Variants in CNTN4 observed in about 807,000 individuals in gnomAD.
The protein encoded by CNTN4 is contactin 4.
CNTN4 carries 77 observed loss-of-function variants against 122.5 expected under a neutral mutation model. The observed-to-expected ratio is 0.63, with a 90% CI of 0.52 to 0.76. CNTN4 has a LOEUF of 0.76. Ranked by LOEUF, CNTN4 falls within the 30% of genes least tolerant of loss-of-function variation. The pLI, the probability that CNTN4 is intolerant of heterozygous loss-of-function variation, is 0.00. For missense variants in CNTN4, 1,256 were observed against 1,259.1 expected (o/e 1.00, Z 0.04); for synonymous variants, 512 against 447.0 (o/e 1.15, Z -1.83).
chr3:2,834,898 C>CTTTTTTTTTTTTTT (rs71058653), intron 7 of CNTN4, among the ~76,000 whole-genome samples: 6 of 60,458 alleles, frequency 9.9e-5, no homozygotes, highest in African/African-American at 2.3e-4. Flanking sequence ...TAAAGGCAAC[C>CTTTTTTTTTTTTTT]TTTTTTTTTT....
chr3:2,173,589 CAGTGTGA>C (rs1575000481), intron 2 of CNTN4, among the ~76,000 whole-genome samples: 1 of 152,086 alleles, frequency 6.6e-6, no homozygotes, highest in East Asian at 1.9e-4. Flanking sequence ...AGAGTTGGAT[CAGTGTGA>C]AGTAAAGTTG....
At chr3:2,299,354 G>T (rs1185932077) in intron 2 of CNTN4, among the ~76,000 whole-genome samples, 1 of 152,088 alleles carries the variant, frequency 6.6e-6, no homozygotes, top group Non-Finnish European at 1.5e-5. Context: ...TGGGGTACGA[G>T]TGTTTTTTGG....
At chr3:2,456,809 T>C (rs2049022176) in intron 3 of CNTN4, among the ~76,000 whole-genome samples, 1 of 152,154 alleles carries the variant, frequency 6.6e-6, no homozygotes, top group Non-Finnish European at 1.5e-5. Context: ...TTGGCTATTG[T>C]GAAAAGTGCT....
intron 3 of CNTN4, among the ~76,000 whole-genome samples, chr3:2,553,100 C>A: frequency 6.6e-6 from 1 of 152,092 alleles, no homozygotes; most frequent in East Asian, 1.9e-4. Context: ...TGGGGTAGAT[C>A]ACCAGGTTAT....
chr3:2,580,837 A>G (rs1312516654), intron 4 of CNTN4, among the ~76,000 whole-genome samples: 1 of 152,170 alleles, frequency 6.6e-6, no homozygotes, highest in South Asian at 2.1e-4. Flanking sequence ...CCTCTGGGAG[A>G]GGTATTATCC....
intron 3 of CNTN4, among the ~76,000 whole-genome samples, chr3:2,555,910 T>G (rs1174722540): frequency 6.6e-6 from 1 of 152,146 alleles, no homozygotes; most frequent in Non-Finnish European, 1.5e-5. Context: ...GAAGCTGTTA[T>G]GAAGCTTTCC....
chr3:2,931,481 G>A (rs990515817), intron 13 of CNTN4, among the ~76,000 whole-genome samples: 1 of 151,920 alleles, frequency 6.6e-6, no homozygotes, highest in African/African-American at 2.4e-5. Context: ...ATTCAAACGG[G>A]GATTCCCATT....
At chr3:2,179,377 A>G (rs935700989) in intron 2 of CNTN4, among the ~76,000 whole-genome samples, 11 of 151,978 alleles carry the variant, frequency 7.2e-5, no homozygotes, top group Non-Finnish European at 1.3e-4. Context: ...CCCAGATAGG[A>G]TGAATTAGTA....
At chr3:2,443,096 G>C (rs2151297086) in intron 3 of CNTN4, among the ~76,000 whole-genome samples, 1 of 151,074 alleles carries the variant, frequency 6.6e-6, no homozygotes, top group Admixed American at 6.6e-5. Flanking sequence ...CATGACGTGT[G>C]TTTACCTGTG....
At chr3:2,271,951 A>G (rs1415815536) in intron 2 of CNTN4, among the ~76,000 whole-genome samples, 2 of 152,178 alleles carry the variant, frequency 1.3e-5, no homozygotes, top group Non-Finnish European at 2.9e-5. Flanking sequence ...ATGTGTTGTG[A>G]AGAATATTTG....
chr3:2,348,562 C>A (rs1199475073), intron 3 of CNTN4, among the ~76,000 whole-genome samples: 1 of 152,082 alleles, frequency 6.6e-6, no homozygotes, highest in Admixed American at 6.5e-5. Context: ...CTTTATCAGA[C>A]CTTCAGCATT....
intron 3 of CNTN4, among the ~76,000 whole-genome samples, chr3:2,345,456 C>T (rs2044367473): frequency 6.6e-6 from 1 of 151,968 alleles, no homozygotes; most frequent in Non-Finnish European, 1.5e-5. Context: ...CCATTTGATC[C>T]AAGTGATGTT....
At chr3:2,778,055 A>C (rs2091403574) in intron 6 of CNTN4, among the ~76,000 whole-genome samples, 1 of 150,432 alleles carries the variant, frequency 6.6e-6, no homozygotes, top group African/African-American at 2.5e-5. Flanking sequence ...TCTACTAAAA[A>C]TACAAAAAAT....
At position 2,340,710 on chromosome 3, in the gene CNTN4, T is replaced by TAGAG. The variant is rs747326741; in HGVS notation, c.-89+1504_-89+1507dup. 2.5e-3 allele frequency among the ~76,000 whole-genome samples: 45 copies of TAGAG among 18,300 alleles called. 2 individuals carry two copies. Among genetic ancestry groups the TAGAG allele is most frequent in the African/African-American group, 3.7e-3 (37 of 9,978 alleles). The allele number at this position is 18,300 out of a possible 152,430, so 12.0% of individuals were successfully genotyped here. ...TTATATATATATATATATATATATA[T>TAGAG]AGAGAGAGAGAGAGAGAGAGAGAGA... On this transcript the variant is annotated intron_variant, in intron 3 of 24. Coordinates refer to ENST00000418658, the MANE Select transcript of CNTN4 (RefSeq NM_175607.3).
At chr3:2,305,632 CT>C (rs1361576567) in intron 2 of CNTN4, among the ~76,000 whole-genome samples, 4 of 152,032 alleles carry the variant, frequency 2.6e-5, no homozygotes, top group African/African-American at 9.6e-5. Context: ...TTCTTTTTTT[CT>C]AAATGAGATA....
intron 3 of CNTN4, among the ~76,000 whole-genome samples, chr3:2,401,591 A>C (rs929688565): frequency 7.2e-5 from 11 of 152,138 alleles, no homozygotes; most frequent in African/African-American, 2.7e-4. Context: ...AGTTTTCTCA[A>C]ATGACTTGAT....
At chr3:2,668,373 T>C (rs899929011) in intron 4 of CNTN4, among the ~76,000 whole-genome samples, 5 of 152,312 alleles carry the variant, frequency 3.3e-5, no homozygotes, top group South Asian at 2.1e-4. Context: ...GGGAGTTCAC[T>C]CATGATTTGG....
intron 3 of CNTN4, among the ~76,000 whole-genome samples, chr3:2,523,038 T>C (rs1323263046): frequency 2.0e-5 from 3 of 152,228 alleles, no homozygotes; most frequent in Middle Eastern, 6.8e-3. Context: ...CATCTGAGTC[T>C]TGTAGATAGT....
intron 3 of CNTN4, among the ~76,000 whole-genome samples, chr3:2,429,061 T>C (rs1031642673): frequency 6.6e-6 from 1 of 152,224 alleles, no homozygotes; most frequent in Non-Finnish European, 1.5e-5. Flanking sequence ...ACCGATCGTC[T>C]GAAGCCTTCT....
Sources: gnomAD v4.1 joint callset for allele counts (sites outside exome capture counted in the v4.1 genomes callset) on GRCh38, gnomAD v4.1.1 for gene constraint, MANE v1.5 for transcripts, NCBI Gene and HGNC (gene_info 2026-07-23, HGNC 2026-07-21) for gene names.